The following ZNF704 variants were observed in gnomAD, a reference collection of about 807,000 sequenced individuals.
ZNF704 encodes zinc finger protein 704.
ZNF704 carries 10 observed loss-of-function variants against 44.7 expected under a neutral mutation model. The observed-to-expected ratio is 0.22, with a 90% CI of 0.14 to 0.38. ZNF704 has a LOEUF of 0.38. Ranked by LOEUF, ZNF704 falls within the 10% of genes least tolerant of loss-of-function variation. The probability of loss-of-function intolerance (pLI) is 1.00; values close to 1 mark genes in which losing one functional copy is unlikely to be tolerated. For missense variants in ZNF704, 390 were observed against 545.5 expected, an observed-to-expected ratio of 0.71 and a Z score of 2.84; for synonymous variants, 211 against 207.6, an observed-to-expected ratio of 1.02 and a Z score of -0.14.
intron 7 of ZNF704, among the ~76,000 whole-genome samples, chr8:80,654,672 A>G (rs1047029685): frequency 2.0e-5 from 3 of 152,270 alleles, no homozygotes; most frequent in East Asian, 1.9e-4. Flanking sequence ...AATGGTGATC[A>G]TTAAAAAGTC....
chr8:80,866,332 G>A (rs1288999506), intron 1 of ZNF704, among the ~76,000 whole-genome samples: 1 of 152,186 alleles, frequency 6.6e-6, no homozygotes, highest in Non-Finnish European at 1.5e-5. Flanking sequence ...CCTGAAAGCG[G>A]AAGAAGGCCT....
intron 2 of ZNF704, among the ~76,000 whole-genome samples, chr8:80,766,455 G>A (rs1402916052): frequency 6.6e-6 from 1 of 151,958 alleles, no homozygotes; most frequent in Admixed American, 6.6e-5. Flanking sequence ...CCTTTCCTGG[G>A]GTCACAGAAG....
intron 2 of ZNF704, among the ~76,000 whole-genome samples, chr8:80,709,535 A>G (rs571980792): frequency 1.3e-5 from 2 of 150,278 alleles, no homozygotes; most frequent in Non-Finnish European, 3.0e-5. Flanking sequence ...GATCAGTTCT[A>G]TAAGGGACTT....
chr8:80,672,346 G>GAAGGCAGTTTGGAGATTTCTC (rs1656689823), intron 4 of ZNF704, among the ~76,000 whole-genome samples: 1 of 152,192 alleles, frequency 6.6e-6, no homozygotes, highest in South Asian at 2.1e-4. Flanking sequence ...AGCCACTGTG[G>GAAGGCAGTTTGGAGATTTCTC]AAGGCAGTTT....
At chr8:80,787,910 T>C (rs982157235) in intron 2 of ZNF704, among the ~76,000 whole-genome samples, 1 of 152,218 alleles carries the variant, frequency 6.6e-6, no homozygotes, top group Admixed American at 6.5e-5. Context: ...CATCTAAAAT[T>C]TGCCTACTCC....
At chr8:80,802,737 T>C (rs1271766618) in intron 2 of ZNF704, among the ~76,000 whole-genome samples, 1 of 152,164 alleles carries the variant, frequency 6.6e-6, no homozygotes, top group Non-Finnish European at 1.5e-5. Context: ...AATATCATAC[T>C]GAATGGGCAA....
intron 2 of ZNF704, among the ~76,000 whole-genome samples, chr8:80,713,939 T>TC (rs1332731668): frequency 4.6e-5 from 7 of 152,176 alleles, no homozygotes; most frequent in Non-Finnish European, 8.8e-5. Context: ...TACACTGCAA[T>TC]CCTAAAATGA....
chr8:80,814,809 C>A (rs1808149095), intron 2 of ZNF704, among the ~76,000 whole-genome samples: 1 of 152,084 alleles, frequency 6.6e-6, no homozygotes, highest in South Asian at 2.1e-4. Flanking sequence ...AAGTTTTTAA[C>A]ACATTTAAAC....
intron 2 of ZNF704, among the ~76,000 whole-genome samples, chr8:80,758,396 C>A (rs1203997885): frequency 6.6e-6 from 1 of 152,120 alleles, no homozygotes; most frequent in East Asian, 1.9e-4. Flanking sequence ...CCTTATTAAG[C>A]ATTTTGCACA....
chr8:80,819,312 C>T (rs1808226258), intron 2 of ZNF704, among the ~76,000 whole-genome samples: 1 of 152,076 alleles, frequency 6.6e-6, no homozygotes, highest in African/African-American at 2.4e-5. Flanking sequence ...TCAGAAAAGG[C>T]AGAAAACATC....
At chr8:80,713,120 C>T (rs1819014122) in intron 2 of ZNF704, among the ~76,000 whole-genome samples, 1 of 152,078 alleles carries the variant, frequency 6.6e-6, no homozygotes, top group African/African-American at 2.4e-5. Flanking sequence ...TGGTCTCCAA[C>T]TCCTGATCTC....
chr8:80,810,923 C>G (rs986467736), intron 2 of ZNF704, among the ~76,000 whole-genome samples: 4 of 152,174 alleles, frequency 2.6e-5, no homozygotes, highest in Non-Finnish European at 5.9e-5. Flanking sequence ...CACCCCAACC[C>G]TCAACAAACA....
intron 1 of ZNF704, among the ~76,000 whole-genome samples, chr8:80,851,516 T>A (rs968373059): frequency 7.1e-6 from 1 of 141,314 alleles, no homozygotes; most frequent in East Asian, 2.1e-4. Context: ...TAGGTGGGAA[T>A]TGAACAATGA....
chr8:80,735,748 C>T (rs1338356075), intron 2 of ZNF704, among the ~76,000 whole-genome samples: 1 of 152,182 alleles, frequency 6.6e-6, no homozygotes, highest in African/African-American at 2.4e-5. Flanking sequence ...ATGATAAACT[C>T]CTCCACACTA....
rs953893397 is a variant in ZNF704 at position 80,640,033 on chromosome 8, G to A, written c.*1333C>T. 2 of 152,588 alleles carry A rather than the reference G, an allele frequency of 1.3e-5. No homozygotes were observed. Among genetic ancestry groups the A allele is most frequent in the Admixed American group, 6.6e-5 (1 of 15,266 alleles). 9.5% of individuals were successfully genotyped at this position (152,588 alleles called of 1,614,324 possible). A position where few individuals can be genotyped will look rare whatever the true frequency, so the allele number is the denominator to read the frequency against. ...AACAAACAAGCAAGTAAGTTACGAA[G>A]CCCAATAAATGGAACATAGTGCAAG... On this transcript the variant is annotated 3_prime_UTR_variant, in exon 9 of 9. Transcript: ENST00000327835.
chr8:80,821,606 T>C lies in ZNF704; in HGVS notation c.-12A>G, dbSNP rs1808272714. ...AATGTGAAGGTCATTTCCCGCTTAATGCTCCCCACCTGTGAAATGAAACAC... is the reference window on the plus strand; with the variant it reads ...AATGTGAAGGTCATTTCCCGCTTAACGCTCCCCACCTGTGAAATGAAACAC... On this transcript the variant is annotated 5_prime_UTR_variant, in exon 2 of 9. Coordinates refer to ENST00000327835, the MANE Select transcript of ZNF704 (RefSeq NM_001033723.3). 1 of 1,612,446 alleles carries C rather than the reference T, an allele frequency of 6.2e-7. No homozygotes were observed. Among genetic ancestry groups the C allele is most frequent in the Non-Finnish European group, 8.5e-7 (1 of 1,179,028 alleles).
At position 80,870,654 on chromosome 8, in the gene ZNF704, T is replaced by C. The variant is rs114357623; in HGVS notation, c.-22+3917A>G. 1.8e-3 allele frequency among the ~76,000 whole-genome samples: 281 copies of C among 152,310 alleles called. 1 individual carries two copies. Among genetic ancestry groups the C allele is most frequent in the African/African-American group, 6.4e-3 (266 of 41,560 alleles). On this transcript the variant is annotated intron_variant, in intron 1 of 8. Coordinates refer to ENST00000327835, the MANE Select transcript of ZNF704 (RefSeq NM_001033723.3). ...ATTTGGCTGCTGCTTCTCAATAGTG[T>C]TTGCTGGCTTCTCCATTTACACCCA... is the stretch of plus-strand genomic sequence containing the variant.
chr8:80,873,347 G>C (rs1160932362), intron 1 of ZNF704, among the ~76,000 whole-genome samples: 26 of 152,052 alleles, frequency 1.7e-4, no homozygotes, highest in Admixed American at 1.6e-3. Flanking sequence ...GAGACGCAGG[G>C]GCCCAAGGCG....
chr8:80,651,022 A>T (rs1055160818), intron 7 of ZNF704, among the ~76,000 whole-genome samples: 2 of 152,244 alleles, frequency 1.3e-5, no homozygotes, highest in Non-Finnish European at 2.9e-5. Flanking sequence ...CAACATTCTT[A>T]AAGAAAAGAA....
Sources: allele counts gnomAD v4.1 joint callset (sites outside exome capture counted in the v4.1 genomes callset), GRCh38; gene constraint gnomAD v4.1.1; transcripts MANE v1.5; gene names NCBI Gene and HGNC (gene_info 2026-07-23, HGNC 2026-07-21).